The following GABRR2 variants were observed in gnomAD, a reference collection of about 807,000 sequenced individuals.
GABRR2 encodes gamma-aminobutyric acid receptor subunit rho-2.
In GABRR2, 36 loss-of-function variants were observed where a neutral mutation model predicts 47.0. The ratio of observed to expected loss-of-function variants is 0.77; its 90% CI spans 0.59 to 1.01. The LOEUF (loss-of-function observed/expected upper bound fraction) is 1.01, where lower values mean the gene tolerates loss of function less well. Ranked by LOEUF, GABRR2 falls within the 50% of genes least tolerant of loss-of-function variation. The pLI is 0.00. For missense variants in GABRR2, 587 were observed against 594.6 expected, an observed-to-expected ratio of 0.99 and a Z score of 0.13; for synonymous variants, 204 against 227.5, an observed-to-expected ratio of 0.90 and a Z score of 0.93.
In GABRR2 at chr6:89,257,479, A is replaced by G; in HGVS notation, c.*191T>C. The G allele has an allele frequency of 1.7e-6, 1 of 593,022 alleles. No homozygotes were observed. Among genetic ancestry groups the G allele is most frequent in the East Asian group, 2.8e-5 (1 of 35,982 alleles). 36.7% of individuals were successfully genotyped at this position (593,022 alleles called of 1,614,324 possible). ...ACGCGAGACAGCATGAACATGGAGCAGCCCCACGGGGTCTGGGGTCAGGGC... is the reference window on the plus strand; with the variant it reads ...ACGCGAGACAGCATGAACATGGAGCGGCCCCACGGGGTCTGGGGTCAGGGC... On this transcript the variant is annotated 3_prime_UTR_variant, in exon 9 of 9. Coordinates refer to ENST00000402938, the MANE Select transcript of GABRR2 (RefSeq NM_002043.5).
At chr6:89,277,224 CT>C (rs1774177136) in intron 2 of GABRR2, among the ~76,000 whole-genome samples, 1 of 152,200 alleles carries the variant, frequency 6.6e-6, no homozygotes, top group South Asian at 2.1e-4. Context: ...CTCTTCCCCA[CT>C]TTGCTCAGCA....
At chr6:89,299,093 T>C (rs927859691) in intron 2 of GABRR2, among the ~76,000 whole-genome samples, 1 of 152,212 alleles carries the variant, frequency 6.6e-6, no homozygotes, top group Non-Finnish European at 1.5e-5. Flanking sequence ...ACTAAGACAC[T>C]GTCCACCTTC....
chr6:89,290,020 C>G (rs1774409677), intron 2 of GABRR2, among the ~76,000 whole-genome samples: 2 of 152,210 alleles, frequency 1.3e-5, no homozygotes, highest in Non-Finnish European at 2.9e-5. Flanking sequence ...AGAGTGAGAA[C>G]TCACTCACTA....
chr6:89,284,723 C>T (rs774431376), intron 2 of GABRR2, among the ~76,000 whole-genome samples: 1 of 152,284 alleles, frequency 6.6e-6, no homozygotes, highest in Non-Finnish European at 1.5e-5. Flanking sequence ...TCTAACCCAG[C>T]GAGACCCATT....
chr6:89,274,911 CAA>C (rs1021797902), intron 2 of GABRR2, among the ~76,000 whole-genome samples: 2 of 151,918 alleles, frequency 1.3e-5, no homozygotes, highest in Non-Finnish European at 2.9e-5. Context: ...TCTGGTAACG[CAA>C]AGAGACTTCT....
At chr6:89,294,886 T>C (rs1383035005) in intron 2 of GABRR2, among the ~76,000 whole-genome samples, 11 of 147,520 alleles carry the variant, frequency 7.5e-5, no homozygotes, top group African/African-American at 2.7e-4. Context: ...TGAGAACATG[T>C]GGTGTTTGGT....
intron 2 of GABRR2, among the ~76,000 whole-genome samples, chr6:89,279,410 C>T (rs1003745721): frequency 6.6e-6 from 1 of 152,030 alleles, no homozygotes; most frequent in African/African-American, 2.4e-5. Flanking sequence ...GGTGTGTGCT[C>T]ACTCTGGTGT....
chr6:89,292,172 C>T (rs12192769), intron 2 of GABRR2, among the ~76,000 whole-genome samples: 9,589 of 151,576 alleles, frequency 0.063, 358 homozygotes, highest in Non-Finnish European at 0.076. Flanking sequence ...CATTTTTTCC[C>T]GGCCATTCTG....
At chr6:89,269,868 C>G (rs952446130) in intron 3 of GABRR2, among the ~76,000 whole-genome samples, 1 of 152,214 alleles carries the variant, frequency 6.6e-6, no homozygotes. Flanking sequence ...TTACCTTGTT[C>G]AAAAGTGTCT....
intron 2 of GABRR2, among the ~76,000 whole-genome samples, chr6:89,292,214 CATG>C (rs1774453740): frequency 6.6e-6 from 1 of 151,748 alleles, no homozygotes; most frequent in Admixed American, 6.6e-5. Context: ...CAAAAAATTC[CATG>C]ATGATACTAT....
intron 8 of GABRR2, 21 bp from the exon 9 acceptor site, chr6:89,258,002 GAAC>G (rs1562342358): frequency 1.2e-6 from 2 of 1,605,710 alleles, no homozygotes; most frequent in Admixed American, 1.7e-5. Context: ...CAAGCACAAA[GAAC>G]ATCATTAAGC....
intron 8 of GABRR2, among the ~76,000 whole-genome samples, chr6:89,262,418 C>T (rs1773770503): frequency 6.6e-6 from 1 of 152,324 alleles, no homozygotes; most frequent in South Asian, 2.1e-4. Flanking sequence ...CATGAAGCCC[C>T]TACTCCAACA....
At chr6:89,291,785 T>C (rs368047726) in intron 2 of GABRR2, among the ~76,000 whole-genome samples, 1 of 152,216 alleles carries the variant, frequency 6.6e-6, no homozygotes, top group African/African-American at 2.4e-5. Context: ...ACCATCAGCT[T>C]CTTGAGAACA....
At chr6:89,299,473 C>T (rs1168975465) in intron 2 of GABRR2, among the ~76,000 whole-genome samples, 1 of 152,126 alleles carries the variant, frequency 6.6e-6, no homozygotes, top group Non-Finnish European at 1.5e-5. Context: ...TCCTTGCCTG[C>T]TCTTATATTT....
At chr6:89,298,204 T>G (rs1464239257) in intron 2 of GABRR2, among the ~76,000 whole-genome samples, 1 of 152,154 alleles carries the variant, frequency 6.6e-6, no homozygotes, top group African/African-American at 2.4e-5. Context: ...GCTTTTCTCC[T>G]TCTGCTTAGC....
At chr6:89,305,862 C>A (rs903573516) in intron 1 of GABRR2, among the ~76,000 whole-genome samples, 4 of 151,964 alleles carry the variant, frequency 2.6e-5, no homozygotes. Flanking sequence ...GGCTTCGTAC[C>A]TGGGTGTCAA....
chr6:89,295,201 T>C (rs1271246279), intron 2 of GABRR2, among the ~76,000 whole-genome samples: 2 of 152,212 alleles, frequency 1.3e-5, no homozygotes, highest in African/African-American at 2.4e-5. Flanking sequence ...TTCTAGATCC[T>C]TGAGGAATCG....
intron 1 of GABRR2, among the ~76,000 whole-genome samples, chr6:89,300,745 CAAAAAA>C (rs56360515): frequency 1.6e-4 from 12 of 76,410 alleles, no homozygotes; most frequent in Admixed American, 5.1e-4. Context: ...GCGTACCAAC[CAAAAAA>C]AAAAAAAAAA....
Position 89,280,226 on chromosome 6 carries a change from ATATAT to A in GABRR2, c.221-8509_221-8505del, listed in dbSNP as rs977796085. ...TCTAAAAACAAATATATATATATAT[ATATAT>A]ATATATATATATATATATATATACA... is the stretch of plus-strand genomic sequence containing the variant. On this transcript the variant is annotated intron_variant, in intron 2 of 8. Coordinates refer to ENST00000402938, the MANE Select transcript of GABRR2 (RefSeq NM_002043.5). 1.5e-4 allele frequency among the ~76,000 whole-genome samples: 11 copies of A among 74,168 alleles called. 1 individual carries two copies. Among genetic ancestry groups the A allele is most frequent in the African/African-American group, 6.2e-4 (11 of 17,866 alleles). 48.7% of individuals were successfully genotyped at this position (74,168 alleles called of 152,430 possible).
Sources: gnomAD v4.1 joint callset for allele counts (sites outside exome capture counted in the v4.1 genomes callset) on GRCh38, gnomAD v4.1.1 for gene constraint, MANE v1.5 for transcripts, NCBI Gene and HGNC (gene_info 2026-07-23, HGNC 2026-07-21) for gene names.